The following DNASE1L3 variants were observed in gnomAD, a reference collection of about 807,000 sequenced individuals.
DNASE1L3 encodes the protein deoxyribonuclease gamma.
Under a neutral mutation model 30.9 loss-of-function variants are expected in DNASE1L3, and 27 were observed. The ratio of observed to expected loss-of-function variants is 0.87; its 90% CI spans 0.64 to 1.20. DNASE1L3 has a LOEUF of 1.20. Among genes scored for constraint, DNASE1L3 ranks in the 50% most tolerant of loss-of-function variants. DNASE1L3 has a pLI of 0.00. For missense variants in DNASE1L3, 364 were observed against 378.2 expected (o/e 0.96, Z 0.31); for synonymous variants, 135 against 138.0 (o/e 0.98, Z 0.15).
chr3:58,210,786 C>A lies in DNASE1L3; in HGVS notation c.121G>T (p.Ala41Ser), dbSNP rs750347942. 6.2e-6 allele frequency: 10 copies of A among 1,614,048 alleles called. No individual in the cohort carries two copies. The highest frequency in any genetic ancestry group is 5.9e-6 in the Non-Finnish European group (7 of 1,180,030). ...FGESKQEDKN[A>S]MDVIVKVIKR... ...CTCACCTTCACAATGACATCCATGG[C>A]ATTCTTGTCTTCCTGCTTGCTTTCC... Residue 41 changes from alanine (A) to serine (S), a missense_variant, in exon 1 of 8, where the codon GCC (alanine) becomes TCC (serine). Coordinates refer to ENST00000394549, the MANE Select transcript of DNASE1L3 (RefSeq NM_004944.4).
Position 58,192,653 on chromosome 3 carries a change from G to T in DNASE1L3, c.*34C>A, listed in dbSNP as rs752086633. The T allele has an allele frequency of 2.3e-5, 37 of 1,591,640 alleles. 1 individual carries two copies. The South Asian group carries it at 3.9e-4, about 17-fold the overall frequency. ...TCTGTTAGAGACATTTTATTTAGAG[G>T]CAAGAAATGGTTAATAAGATGAGAC... is the stretch of plus-strand genomic sequence containing the variant. On this transcript the variant is annotated 3_prime_UTR_variant, in exon 8 of 8. Transcript: ENST00000394549. This position sits in a 1 kb window ranked among gnomAD's most constrained non-coding sequence, Gnocchi z 4.8.
Position 58,192,660 on chromosome 3 carries a change from A to G in DNASE1L3, c.*27T>C. The G allele has an allele frequency of 6.3e-7, 1 of 1,599,742 alleles. No homozygotes were observed. Among genetic ancestry groups the G allele is most frequent in the South Asian group, 1.1e-5 (1 of 89,016 alleles). On this transcript the variant is annotated 3_prime_UTR_variant, in exon 8 of 8. Transcript: ENST00000394549. The surrounding 1 kb of genome is among the most constrained non-coding windows in gnomAD (Gnocchi z 4.8). ...GAGACATTTTATTTAGAGGCAAGAA[A>G]TGGTTAATAAGATGAGACCCTTGGG...
At chr3:58,204,196 A>G (rs2097402455) in intron 4 of DNASE1L3, among the ~76,000 whole-genome samples, 1 of 148,992 alleles carries the variant, frequency 6.7e-6, no homozygotes, top group Non-Finnish European at 1.5e-5. Flanking sequence ...GCTGGAGTGC[A>G]GTGGTACGAT....
chr3:58,208,550 G>T (rs747851778), intron 1 of DNASE1L3, among the ~76,000 whole-genome samples: 1 of 152,062 alleles, frequency 6.6e-6, no homozygotes, highest in South Asian at 2.1e-4. Flanking sequence ...AGAAAATGGC[G>T]GAGGCAGAAT....
intron 6 of DNASE1L3, among the ~76,000 whole-genome samples, chr3:58,196,388 CAA>C (rs546028723): frequency 1.1e-4 from 14 of 125,086 alleles, no homozygotes; most frequent in Admixed American, 8.0e-5. Context: ...ACTAAAAATA[CAA>C]AAAAAAAAAA....
intron 4 of DNASE1L3, among the ~76,000 whole-genome samples, chr3:58,203,103 T>C (rs1420335925): frequency 1.3e-5 from 2 of 152,002 alleles, no homozygotes; most frequent in Non-Finnish European, 2.9e-5. Context: ...TTCCCCTCAT[T>C]CTCAGCCTGG....
chr3:58,199,530 C>T (rs111946114), intron 5 of DNASE1L3, among the ~76,000 whole-genome samples: 3 of 152,256 alleles, frequency 2.0e-5, no homozygotes, highest in Non-Finnish European at 4.4e-5. Context: ...ATTAGCCAGG[C>T]GTGGTGGCAC....
At chr3:58,208,171 T>C in intron 2 of DNASE1L3, 47 bp downstream of exon 2, 1 of 1,581,588 alleles carries the variant, frequency 6.3e-7, no homozygotes, top group Non-Finnish European at 8.7e-7. Context: ...TCAGATGCCC[T>C]TGCACTTGAC....
Position 58,193,324 on chromosome 3 carries a change from G to C in DNASE1L3, c.801+19C>G. 6.2e-7 allele frequency: 1 copy of C among 1,612,496 alleles called. No homozygotes were observed. The highest frequency in any genetic ancestry group is 1.3e-5 in the African/African-American group (1 of 74,970). ...TCTTTCCAGGACAATGGCATAGAAA[G>C]ACAAGATGGCAACCTTACCTCCTCT... On this transcript the variant is annotated intron_variant, in intron 7 of 7. Coordinates refer to ENST00000394549, the MANE Select transcript of DNASE1L3 (RefSeq NM_004944.4).
In DNASE1L3 at chr3:58,205,565, A is replaced by G. The variant is rs1165630415; in HGVS notation, c.231-5T>C. 1.9e-6 allele frequency: 3 copies of G among 1,611,958 alleles called. No individual in the cohort carries two copies. Among genetic ancestry groups the G allele is most frequent in the Non-Finnish European group, 2.5e-6 (3 of 1,178,116 alleles). ...GTTATGCCTCTCCTTGAATTTCTAG[A>G]AAACAAAGATTTAACACTGCATCTT... On this transcript the variant is annotated splice_polypyrimidine_tract_variant and splice_region_variant and intron_variant, in intron 2 of 7. Transcript: ENST00000394549.
intron 4 of DNASE1L3, among the ~76,000 whole-genome samples, 180 bp downstream of exon 4, chr3:58,204,589 G>A (rs1022635835): frequency 6.6e-6 from 1 of 152,190 alleles, no homozygotes; most frequent in African/African-American, 2.4e-5. Context: ...TTGAGTCATG[G>A]CATTCTGAGA....
intron 1 of DNASE1L3, among the ~76,000 whole-genome samples, chr3:58,209,237 G>T (rs1359130064): frequency 6.6e-6 from 1 of 152,156 alleles, no homozygotes; most frequent in Non-Finnish European, 1.5e-5. Context: ...GGAGGGTGAG[G>T]CAGCCTTGAC....
At chr3:58,198,111 C>T in intron 5 of DNASE1L3, 133 bp from the exon 6 acceptor site, 1 of 1,040,268 alleles carries the variant, frequency 9.6e-7, no homozygotes, top group Non-Finnish European at 1.4e-6. Flanking sequence ...TCTTGTCTAC[C>T]CCCTGCTCCC....
chr3:58,192,962 G>A lies in DNASE1L3; in HGVS notation c.802-159C>T. On this transcript the variant is annotated intron_variant, in intron 7 of 7. Transcript: ENST00000394549. This position sits in a 1 kb window ranked among gnomAD's most constrained non-coding sequence, Gnocchi z 4.8. ...GTAAGCGTCATTCCAAGACCAGCTC[G>A]ATCAGAAATTTTGGAGGGGCCTCAA... The A allele has an allele frequency of 6.2e-6, 9 of 1,440,378 alleles. No homozygotes were observed. Among genetic ancestry groups the A allele is most frequent in the South Asian group, 3.0e-5 (2 of 65,666 alleles). 89.2% of individuals were successfully genotyped at this position (1,440,378 alleles called of 1,614,324 possible). A position where few individuals can be genotyped will look rare whatever the true frequency, so the allele number is the denominator to read the frequency against.
At chr3:58,203,140 G>A (rs1308477594) in intron 4 of DNASE1L3, among the ~76,000 whole-genome samples, 4 of 152,090 alleles carry the variant, frequency 2.6e-5, no homozygotes, top group Admixed American at 2.0e-4. Flanking sequence ...CAACAGACAC[G>A]GGCTGTGGGG....
chr3:58,206,134 T>C (rs995816723), intron 2 of DNASE1L3, among the ~76,000 whole-genome samples: 3 of 152,212 alleles, frequency 2.0e-5, no homozygotes, highest in African/African-American at 7.2e-5. Context: ...TCCTGGGTGC[T>C]GGGGATACAG....
At position 58,192,985 on chromosome 3, in the gene DNASE1L3, C is replaced by T. The variant is rs567858215; in HGVS notation, c.802-182G>A. 2.4e-5 allele frequency: 35 copies of T among 1,433,852 alleles called. No individual in the cohort carries two copies. Among genetic ancestry groups the T allele is most frequent in the Non-Finnish European group, 3.2e-5 (35 of 1,101,298 alleles). 88.8% of individuals were successfully genotyped at this position (1,433,852 alleles called of 1,614,324 possible). On this transcript the variant is annotated intron_variant, in intron 7 of 7. Coordinates refer to ENST00000394549, the MANE Select transcript of DNASE1L3 (RefSeq NM_004944.4). This position sits in a 1 kb window ranked among gnomAD's most constrained non-coding sequence, Gnocchi z 4.8. ...TCGATCAGAAATTTTGGAGGGGCCT[C>T]AAATCACAGAATCATAGGCATTGAG...
At chr3:58,195,308 C>T (rs1232951920) in intron 6 of DNASE1L3, among the ~76,000 whole-genome samples, 2 of 152,020 alleles carry the variant, frequency 1.3e-5, no homozygotes, top group African/African-American at 4.8e-5. Context: ...TGTATTGAGA[C>T]AGGTCTCACT....
At position 58,197,777 on chromosome 3, in the gene DNASE1L3, C is replaced by A; in HGVS notation, c.704+44G>T. ...CACCTTGCGTCTTTCCTAGTGCACA[C>A]CAAGCACTGTGGTGAGCCAGCAGCA... On this transcript the variant is annotated intron_variant, in intron 6 of 7. Transcript: ENST00000394549. This position sits in a 1 kb window ranked among gnomAD's most constrained non-coding sequence, Gnocchi z 5.3. 1 of 1,612,106 alleles carries A rather than the reference C, an allele frequency of 6.2e-7. No individual in the cohort carries two copies. The highest frequency in any genetic ancestry group is 1.1e-5 in the South Asian group (1 of 90,960).
Sources: allele counts gnomAD v4.1 joint callset (sites outside exome capture counted in the v4.1 genomes callset), GRCh38; gene constraint gnomAD v4.1.1; non-coding constraint Gnocchi (gnomAD v3.1); transcripts MANE v1.5; gene names NCBI Gene and HGNC (gene_info 2026-07-23, HGNC 2026-07-21).